The following SELENOK variants were observed in gnomAD, a reference collection of about 807,000 sequenced individuals.
SELENOK encodes selenoprotein K.
Under a neutral mutation model 17.3 loss-of-function variants are expected in SELENOK, and 11 were observed. The ratio of observed to expected loss-of-function variants is 0.63; its 90% CI spans 0.40 to 1.05. SELENOK has a LOEUF of 1.05. Ranked by LOEUF, SELENOK falls within the 50% of genes least tolerant of loss-of-function variation. The pLI, the probability that SELENOK is intolerant of heterozygous loss-of-function variation, is 0.00. For synonymous variants in SELENOK, 45 were observed against 35.4 expected (o/e 1.27, Z -0.97); for missense variants, 125 against 113.9 (o/e 1.10, Z -0.44).
chr3:53,891,632 G>T, intron 1 of SELENOK, 138 bp downstream of exon 1: 2 of 1,171,026 alleles, frequency 1.7e-6, no homozygotes, highest in East Asian at 2.5e-5. Flanking sequence ...GGCGACTTCG[G>T]TCCAGCTCCG....
intron 3 of SELENOK, among the ~76,000 whole-genome samples, chr3:53,886,271 T>C (rs1033684919): frequency 6.6e-6 from 1 of 152,038 alleles, no homozygotes; most frequent in Non-Finnish European, 1.5e-5. Flanking sequence ...GGAGTCCCAC[T>C]CTGTCTCCAG....
intron 1 of SELENOK, among the ~76,000 whole-genome samples, chr3:53,889,488 A>T (rs962754767): frequency 1.3e-5 from 2 of 152,202 alleles, no homozygotes; most frequent in Non-Finnish European, 2.9e-5. Flanking sequence ...TATATACTAC[A>T]TTTTGTTTAC....
At chr3:53,887,364 A>T (rs1253899855) in intron 2 of SELENOK, among the ~76,000 whole-genome samples, 1 of 152,224 alleles carries the variant, frequency 6.6e-6, no homozygotes, top group Non-Finnish European at 1.5e-5. Flanking sequence ...TAAAAATGAT[A>T]TGTAAAATTA....
chr3:53,887,786 G>A (rs1306387683), intron 2 of SELENOK, among the ~76,000 whole-genome samples: 1 of 152,122 alleles, frequency 6.6e-6, no homozygotes, highest in African/African-American at 2.4e-5. Flanking sequence ...ACAGTTCCCT[G>A]ATCATGAGAC....
intron 2 of SELENOK, 76 bp from the exon 3 acceptor site, chr3:53,887,010 C>G: frequency 8.4e-7 from 1 of 1,185,082 alleles, no homozygotes; most frequent in South Asian, 1.6e-5. Flanking sequence ...GTTTTTTAAC[C>G]ATCATCTCTG....
chr3:53,886,017 A>C, intron 3 of SELENOK, 105 bp from the exon 4 acceptor site: 2 of 708,782 alleles, frequency 2.8e-6, no homozygotes, highest in Non-Finnish European at 4.5e-6. Context: ...CACCCACATG[A>C]CCCTAAAACA....
chr3:53,890,626 T>C (rs983217791), intron 1 of SELENOK, among the ~76,000 whole-genome samples: 6 of 152,222 alleles, frequency 3.9e-5, no homozygotes, highest in Non-Finnish European at 7.3e-5. Context: ...CTTAAGCTTA[T>C]ATCACAAAGG....
chr3:53,886,819 A>G, intron 3 of SELENOK, 32 bp downstream of exon 3: 1 of 1,363,884 alleles, frequency 7.3e-7, no homozygotes, highest in South Asian at 1.4e-5. Flanking sequence ...CAAAGACATA[A>G]AAACAACTAT....
At chr3:53,889,811 G>C (rs1700154862) in intron 1 of SELENOK, among the ~76,000 whole-genome samples, 1 of 152,064 alleles carries the variant, frequency 6.6e-6, no homozygotes, top group South Asian at 2.1e-4. Flanking sequence ...AAGAGAATTT[G>C]GCTTGTTCTT....
chr3:53,890,721 C>A (rs1298893786), intron 1 of SELENOK, among the ~76,000 whole-genome samples: 1 of 152,222 alleles, frequency 6.6e-6, no homozygotes, highest in African/African-American at 2.4e-5. Context: ...TAGTGTCCAT[C>A]AATCTACTTG....
Position 53,885,859 on chromosome 3 carries a change from G to C in SELENOK, c.248C>G (p.Pro83Arg). ...TCCACCAGCCATTGGAGGGGGACTA[G>C]GGCCACGCAGATGATTGATTCTACC... Reference protein sequence around the residue: ...RMGRINHLRGPSPPPMAGGUG... With the variant: ...RMGRINHLRGRSPPPMAGGUG... Residue 83 changes from proline (P) to arginine (R), a missense_variant, in exon 4 of 5, where the codon CCT (proline) becomes CGT (arginine). Pro to Arg is a moderately radical substitution (Grantham distance 103). Coordinates refer to ENST00000495461, the MANE Select transcript of SELENOK (RefSeq NM_021237.5). 6.3e-7 allele frequency: 1 copy of C among 1,581,406 alleles called. No individual in the cohort carries two copies. The highest frequency in any genetic ancestry group is 8.6e-7 in the Non-Finnish European group (1 of 1,166,000).
Position 53,885,457 on chromosome 3 carries a change from C to T in SELENOK, c.*101G>A, listed in dbSNP as rs1280736708. ...ACAGAGCAGTCCTTGTTTAGACATA[C>T]ACATTCATCTACTGCTCATCATGGT... is the stretch of plus-strand genomic sequence containing the variant. On this transcript the variant is annotated 3_prime_UTR_variant, in exon 5 of 5. Transcript: ENST00000495461. 15 of 1,135,542 alleles carry T rather than the reference C, an allele frequency of 1.3e-5. 1 individual carries two copies. Among genetic ancestry groups the T allele is most frequent in the Non-Finnish European group, 1.9e-5 (15 of 771,560 alleles). 70.3% of individuals were successfully genotyped at this position (1,135,542 alleles called of 1,614,324 possible).
intron 1 of SELENOK, among the ~76,000 whole-genome samples, chr3:53,889,787 T>G (rs970014109): frequency 6.6e-6 from 1 of 152,222 alleles, no homozygotes; most frequent in African/African-American, 2.4e-5. Context: ...AGAGTGTGTA[T>G]GCTCTAAGTA....
intron 1 of SELENOK, among the ~76,000 whole-genome samples, chr3:53,888,782 C>T (rs764096290): frequency 7.2e-5 from 11 of 152,126 alleles, no homozygotes; most frequent in Non-Finnish European, 1.0e-4. Context: ...AAAGGCTGGG[C>T]GCGGTGGCTC....
At chr3:53,887,284 A>C (rs1700134556) in intron 2 of SELENOK, among the ~76,000 whole-genome samples, 1 of 152,206 alleles carries the variant, frequency 6.6e-6, no homozygotes, top group Non-Finnish European at 1.5e-5. Context: ...CTAACATCTT[A>C]GGGAAGGAGG....
At chr3:53,891,658 CT>C in intron 1 of SELENOK, 111 bp downstream of exon 1, 1 of 1,431,436 alleles carries the variant, frequency 7.0e-7, no homozygotes, top group Non-Finnish European at 9.8e-7. Flanking sequence ...CCGCGGGGCG[CT>C]AAGCCCGGGG....
Position 53,891,757 on chromosome 3 carries a change from G to T in SELENOK, c.19+13C>A. 1.2e-6 allele frequency: 2 copies of T among 1,613,744 alleles called. No individual in the cohort carries two copies. Among genetic ancestry groups the T allele is most frequent in the South Asian group, 1.1e-5 (1 of 91,080 alleles). ...AAGTCACCGGTCGAAGCCACAGCCC[G>T]CTCTCAACTTACCGTTCGAGATGTA... On this transcript the variant is annotated intron_variant, in intron 1 of 4. Transcript: ENST00000495461.
In SELENOK at chr3:53,888,217, T is replaced by C. The variant is rs1700140464; in HGVS notation, c.110+176A>G. 3 of 554,656 alleles carry C rather than the reference T, an allele frequency of 5.4e-6. No individual in the cohort carries two copies. The East Asian group carries it at 9.2e-5, about 17-fold the overall frequency. 34.4% of individuals were successfully genotyped at this position (554,656 alleles called of 1,614,324 possible). On this transcript the variant is annotated intron_variant, in intron 2 of 4. Coordinates refer to ENST00000495461, the MANE Select transcript of SELENOK (RefSeq NM_021237.5). ...AACATATACTCATAATCATAAGCTA[T>C]CTGGTGGTAGCAACTTTATCACTAA...
At position 53,885,301 on chromosome 3, in the gene SELENOK, C is replaced by T; in HGVS notation, c.*257G>A. The T allele has an allele frequency of 3.0e-6, 1 of 333,106 alleles. No homozygotes were observed. Among genetic ancestry groups the T allele is most frequent in the Non-Finnish European group, 5.4e-6 (1 of 186,886 alleles). 20.6% of individuals were successfully genotyped at this position (333,106 alleles called of 1,614,324 possible). A position where few individuals can be genotyped will look rare whatever the true frequency, so the allele number is the denominator to read the frequency against. ...ACCTAAAAATATTTACTTATTAAAACTATATTAATACTTTAATAAACTATA... is the reference window on the plus strand; with the variant it reads ...ACCTAAAAATATTTACTTATTAAAATTATATTAATACTTTAATAAACTATA... On this transcript the variant is annotated 3_prime_UTR_variant, in exon 5 of 5. Transcript: ENST00000495461.
Sources: gnomAD v4.1 joint callset for allele counts (sites outside exome capture counted in the v4.1 genomes callset) on GRCh38, gnomAD v4.1.1 for gene constraint, MANE v1.5 for transcripts, NCBI Gene and HGNC (gene_info 2026-07-23, HGNC 2026-07-21) for gene names.